The following MAGI2 variants were observed in gnomAD, a reference collection of about 807,000 sequenced individuals.
The protein encoded by MAGI2 is membrane-associated guanylate kinase, WW and PDZ domain-containing protein 2.
MAGI2 carries 35 observed loss-of-function variants against 133.3 expected under a neutral mutation model. That is an observed-to-expected ratio of 0.26 (90% confidence interval 0.20 to 0.35). MAGI2 has a LOEUF of 0.35. MAGI2 is among the 10% of genes least tolerant of loss of function. The pLI is 1.00. For synonymous variants in MAGI2, 729 were observed against 710.6 expected (o/e 1.03, Z -0.41); for missense variants, 1,636 against 1,863.4 (o/e 0.88, Z 2.25).
chr7:78,654,336 G>A (rs1251800858), intron 2 of MAGI2, among the ~76,000 whole-genome samples: 1 of 152,056 alleles, frequency 6.6e-6, no homozygotes, highest in African/African-American at 2.4e-5. Flanking sequence ...GCCTAAAATA[G>A]TATGTGGCAC....
chr7:78,896,720 A>C (rs914666256), intron 2 of MAGI2, among the ~76,000 whole-genome samples: 57 of 151,936 alleles, frequency 3.8e-4, no homozygotes, highest in African/African-American at 1.3e-3. Context: ...GATGCGTGCC[A>C]CTACGCCCGG....
rs201927117 is a variant in MAGI2 at position 78,294,083 on chromosome 7, AATAT to A, written c.1409-37506_1409-37503del. 4.6e-5 allele frequency among the ~76,000 whole-genome samples: 7 copies of A among 152,110 alleles called. No homozygotes were observed. In the South Asian group the frequency reaches 6.2e-4, roughly 14 times the overall value. The stretch of plus-strand genomic sequence containing the variant: ...CCTAGAATTTAAAGTATAATAAAAA[AATAT>A]ATATAATTCTTTAGGAAATACTTGC... On this transcript the variant is annotated intron_variant, in intron 9 of 21. Transcript: ENST00000354212.
intron 6 of MAGI2, among the ~76,000 whole-genome samples, chr7:78,476,014 A>C (rs1234275928): frequency 6.6e-6 from 1 of 151,998 alleles, no homozygotes; most frequent in East Asian, 2.0e-4. Context: ...GGAGCTTAGC[A>C]TACTATCTTC....
At chr7:79,083,659 T>C (rs1475239442) in intron 1 of MAGI2, among the ~76,000 whole-genome samples, 1 of 151,662 alleles carries the variant, frequency 6.6e-6, no homozygotes, top group Non-Finnish European at 1.5e-5. Context: ...TGTTGGGTTA[T>C]TATACCAGAG....
intron 1 of MAGI2, among the ~76,000 whole-genome samples, chr7:79,206,261 G>A (rs542007414): frequency 6.0e-5 from 9 of 149,276 alleles, no homozygotes; most frequent in East Asian, 2.0e-4. Context: ...TAGAGACTAC[G>A]AATACAATAG....
chr7:79,422,518 T>A (rs1014199236), intron 1 of MAGI2, among the ~76,000 whole-genome samples: 5 of 152,012 alleles, frequency 3.3e-5, no homozygotes, highest in African/African-American at 1.2e-4. Flanking sequence ...ATTTTCCCCT[T>A]GCAATTAAAA....
chr7:78,146,444 T>G (rs1341812497), intron 16 of MAGI2, among the ~76,000 whole-genome samples: 1 of 152,120 alleles, frequency 6.6e-6, no homozygotes, highest in East Asian at 1.9e-4. Flanking sequence ...GTGCCCCAGT[T>G]AGAGATTTGG....
At chr7:78,833,307 T>A (rs1047768746) in intron 2 of MAGI2, among the ~76,000 whole-genome samples, 1 of 152,132 alleles carries the variant, frequency 6.6e-6, no homozygotes, top group African/African-American at 2.4e-5. Flanking sequence ...TCTCACCTCA[T>A]AATCAAATGA....
intron 6 of MAGI2, among the ~76,000 whole-genome samples, chr7:78,451,088 G>A (rs1027048025): frequency 2.0e-5 from 3 of 152,046 alleles, no homozygotes; most frequent in East Asian, 1.9e-4. Flanking sequence ...AGTGCAACCC[G>A]TTCAGAATTA....
At chr7:78,344,289 A>T (rs930842563) in intron 8 of MAGI2, among the ~76,000 whole-genome samples, 1 of 152,214 alleles carries the variant, frequency 6.6e-6, no homozygotes, top group Non-Finnish European at 1.5e-5. Context: ...TCTAAGAAAG[A>T]GGACAAGGAG....
chr7:78,936,442 T>C (rs1391918186), intron 2 of MAGI2, among the ~76,000 whole-genome samples: 1 of 151,846 alleles, frequency 6.6e-6, no homozygotes, highest in Non-Finnish European at 1.5e-5. Flanking sequence ...AAAAGATAAA[T>C]CTACAAATAT....
intron 7 of MAGI2, 148 bp from the exon 8 acceptor site, chr7:78,346,191 C>T (rs1242086280): frequency 1.7e-5 from 13 of 783,762 alleles, no homozygotes; most frequent in Non-Finnish European, 4.1e-6. Context: ...AGGCTCCTGA[C>T]TGGGCTGGCC....
intron 3 of MAGI2, among the ~76,000 whole-genome samples, chr7:78,611,907 G>T (rs1385115408): frequency 2.0e-5 from 3 of 152,126 alleles, no homozygotes; most frequent in Non-Finnish European, 2.9e-5. Context: ...CTAGTAACTG[G>T]ACCACTCCAA....
chr7:78,843,800 G>A (rs930171452), intron 2 of MAGI2, among the ~76,000 whole-genome samples: 5 of 150,892 alleles, frequency 3.3e-5, no homozygotes, highest in African/African-American at 1.2e-4. Context: ...TTTTTTAAAC[G>A]ACAAAAATCT....
intron 9 of MAGI2, among the ~76,000 whole-genome samples, chr7:78,327,734 T>C (rs1262699597): frequency 6.6e-6 from 1 of 152,154 alleles, no homozygotes; most frequent in African/African-American, 2.4e-5. Flanking sequence ...GATGCATCTA[T>C]CTTGAATAGT....
At chr7:78,034,509 C>A (rs1033554031) in intron 21 of MAGI2, among the ~76,000 whole-genome samples, 6 of 152,230 alleles carry the variant, frequency 3.9e-5, no homozygotes, top group Non-Finnish European at 7.4e-5. Context: ...GAGGAAAAAA[C>A]CAAATATCTC....
chr7:78,569,401 A>G (rs940890607), intron 3 of MAGI2, among the ~76,000 whole-genome samples: 4 of 152,192 alleles, frequency 2.6e-5, no homozygotes, highest in African/African-American at 9.6e-5. Flanking sequence ...TGCTACATGC[A>G]TGTGCAAGGA....
At chr7:78,420,164 C>T (rs1034675076) in intron 6 of MAGI2, among the ~76,000 whole-genome samples, 7 of 152,096 alleles carry the variant, frequency 4.6e-5, no homozygotes, top group Non-Finnish European at 8.8e-5. Flanking sequence ...CATCATTTGC[C>T]TTTTTATTGC....
intron 20 of MAGI2, among the ~76,000 whole-genome samples, chr7:78,113,573 A>G (rs1372216315): frequency 4.6e-5 from 7 of 152,294 alleles, no homozygotes; most frequent in African/African-American, 1.2e-4. Flanking sequence ...AAAATTGCCT[A>G]CAGTATTCAG....
Sources: allele counts gnomAD v4.1 joint callset (sites outside exome capture counted in the v4.1 genomes callset), GRCh38; gene constraint gnomAD v4.1.1; transcripts MANE v1.5; gene names NCBI Gene and HGNC (gene_info 2026-07-23, HGNC 2026-07-21).